Variants in P2RX5 observed in about 807,000 individuals in gnomAD.
The protein encoded by P2RX5 is purinergic receptor P2X 5.
P2RX5 carries 46 observed loss-of-function variants against 54.1 expected under a neutral mutation model. The ratio of observed to expected loss-of-function variants is 0.85; its 90% confidence interval spans 0.67 to 1.09. P2RX5 has a LOEUF of 1.09. P2RX5 is among the 50% of genes least tolerant of loss of function. The probability of loss-of-function intolerance (pLI) is 0.00; values close to 1 mark genes in which losing one functional copy is unlikely to be tolerated. For missense variants in P2RX5, 566 were observed against 549.8 expected (o/e 1.03, Z -0.29); for synonymous variants, 226 against 226.4 (o/e 1.00, Z 0.02).
At chr17:3,697,715 A>T (rs1384865884), upstream of P2RX5, among the ~76,000 whole-genome samples, 2 of 152,166 alleles carry the variant, frequency 1.3e-5, no homozygotes, top group African/African-American at 4.8e-5. Flanking sequence ...TTGCTCTCAA[A>T]CTGTCATTTG....
the P2RX5 span, among the ~76,000 whole-genome samples, chr17:3,704,017 G>A: frequency 6.6e-6 from 1 of 152,110 alleles, no homozygotes; most frequent in Non-Finnish European, 1.5e-5. Flanking sequence ...CAGGAGAATT[G>A]CTTGAACCCA....
intron 2 of P2RX5, 113 bp from the exon 3 acceptor site, chr17:3,691,140 G>A: frequency 1.3e-6 from 1 of 777,512 alleles, no homozygotes; most frequent in Non-Finnish European, 2.2e-6. Context: ...TGGGGATAAT[G>A]GGGCCACAAA....
chr17:3,723,747 G>C, the P2RX5 span: 5 of 1,607,128 alleles, frequency 3.1e-6, no homozygotes, highest in Non-Finnish European at 8.5e-7. Flanking sequence ...GTGGAGGCCT[G>C]AAACGAGAGC....
intron 11 of P2RX5, chr17:3,675,380 C>T: frequency 1.0e-6 from 1 of 985,226 alleles, no homozygotes; most frequent in Non-Finnish European, 1.2e-6. Flanking sequence ...AATAGTATGA[C>T]TATCCTCAGG....
the P2RX5 span, among the ~76,000 whole-genome samples, chr17:3,711,723 CTCGCTCTGTTGCCCAGGCTGGA>C: frequency 1.9e-4 from 29 of 151,912 alleles, no homozygotes; most frequent in South Asian, 6.0e-3. Context: ...GAGACAGGGT[CTCGCTCTGTTGCCCAGGCTGGA>C]GTGCAGTGGC....
chr17:3,673,852 C>T lies in P2RX5; in HGVS notation c.*16G>A, dbSNP rs1063497. 181,514 of 1,612,608 alleles carry T rather than the reference C, an allele frequency of 0.11. 11,384 individuals are homozygous for T. The highest frequency in any genetic ancestry group is 0.22 in the East Asian group (9,679 of 44,866). On this transcript the variant is annotated 3_prime_UTR_variant, in exon 12 of 12. Transcript: ENST00000225328. ...GGCTGGGTTTAGGACAGGGCCTGAA[C>T]GTAAGCAGAGGCAATTCACGTGCTC...
At chr17:3,680,356 T>C (rs374452961) in intron 10 of P2RX5, among the ~76,000 whole-genome samples, 1,327 of 10,966 alleles carry the variant, frequency 0.12, no homozygotes, top group African/African-American at 0.15. Context: ...CTCCACCCAG[T>C]GTCCTCCACC....
At chr17:3,699,946 G>T (rs1385473130), upstream of P2RX5, among the ~76,000 whole-genome samples, 1 of 127,188 alleles carries the variant, frequency 7.9e-6, no homozygotes, top group Non-Finnish European at 1.9e-5. Context: ...AAGAAAGAAA[G>T]AAAGAAAGAA....
upstream of P2RX5, among the ~76,000 whole-genome samples, chr17:3,698,924 G>T (rs2050797223): frequency 6.6e-6 from 1 of 152,008 alleles, no homozygotes; most frequent in Non-Finnish European, 1.5e-5. Context: ...AAAAAAAATA[G>T]GTTGGGCACA....
At chr17:3,699,529 G>A (rs1023314060), upstream of P2RX5, among the ~76,000 whole-genome samples, 13 of 151,902 alleles carry the variant, frequency 8.6e-5, no homozygotes, top group Middle Eastern at 3.4e-3. Context: ...AAATATTGCC[G>A]GATGCAGTGG....
chr17:3,680,188 C>CGTCCTCCACCCAGT (rs2050215223), intron 10 of P2RX5, among the ~76,000 whole-genome samples: 3 of 85,720 alleles, frequency 3.5e-5, no homozygotes, highest in Non-Finnish European at 7.2e-5. Context: ...CTCCACCCTG[C>CGTCCTCCACCCAGT]GTCCTCCACC....
At chr17:3,690,789 T>C (rs1191384483) in intron 3 of P2RX5, 109 bp from the exon 4 acceptor site, 3 of 1,233,170 alleles carry the variant, frequency 2.4e-6, no homozygotes, top group African/African-American at 3.0e-5. Flanking sequence ...CCACACACAC[T>C]CTGAGAACCT....
intron 9 of P2RX5, among the ~76,000 whole-genome samples, chr17:3,683,729 CAAAAAA>C (rs59622313): frequency 5.1e-5 from 3 of 58,590 alleles, no homozygotes; most frequent in Non-Finnish European, 8.1e-5. Flanking sequence ...GACTCCGTCT[CAAAAAA>C]AAAAAAAAAA....
upstream of P2RX5, among the ~76,000 whole-genome samples, chr17:3,697,557 T>C (rs1231351697): frequency 6.6e-6 from 1 of 152,128 alleles, no homozygotes; most frequent in Non-Finnish European, 1.5e-5. Context: ...CTGAAATTCA[T>C]CAGTGTGATT....
At chr17:3,715,943 T>C in the P2RX5 span, among the ~76,000 whole-genome samples, 1 of 151,612 alleles carries the variant, frequency 6.6e-6, no homozygotes, top group African/African-American at 2.4e-5. Context: ...GATCACAAGG[T>C]CAGGAGTTTG....
intron 1 of P2RX5, among the ~76,000 whole-genome samples, chr17:3,694,514 C>T (rs2050704374): frequency 6.6e-6 from 1 of 152,122 alleles, no homozygotes; most frequent in African/African-American, 2.4e-5. Context: ...CCGCCAATTT[C>T]CTAATTTTCA....
At chr17:3,688,407 G>C (rs748274283) in intron 8 of P2RX5, among the ~76,000 whole-genome samples, 1 of 152,206 alleles carries the variant, frequency 6.6e-6, no homozygotes, top group Non-Finnish European at 1.5e-5. Flanking sequence ...GCTTCACGGA[G>C]AGAAACAGGC....
chr17:3,697,809 A>G (rs570263764), upstream of P2RX5, among the ~76,000 whole-genome samples: 247 of 152,238 alleles, frequency 1.6e-3, 2 homozygotes, highest in African/African-American at 5.7e-3. Context: ...TTGCCCACCC[A>G]AAGTAGCCCC....
At position 3,694,231 on chromosome 17, in the gene P2RX5, A is replaced by G. The variant is rs1437360800; in HGVS notation, c.137+1638T>C. On this transcript the variant is annotated intron_variant, in intron 1 of 11. Coordinates refer to ENST00000225328, the MANE Select transcript of P2RX5 (RefSeq NM_002561.4). Reference sequence around the variant, plus strand: ...CATGACACCAAGTGAAAGAAGCCAGAAAAAAAAAAAAAAAGGCCGCATACT... The same window carrying G: ...CATGACACCAAGTGAAAGAAGCCAGGAAAAAAAAAAAAAAGGCCGCATACT... 1.3e-4 allele frequency among the ~76,000 whole-genome samples: 3 copies of G among 23,698 alleles called. No homozygotes were observed. In the Admixed American group the frequency reaches 2.4e-3, roughly 19 times the overall value. 15.5% of individuals were successfully genotyped at this position (23,698 alleles called of 152,430 possible). A position where few individuals can be genotyped will look rare whatever the true frequency, so the allele number is the denominator to read the frequency against.
Sources: allele counts gnomAD v4.1 joint callset (sites outside exome capture counted in the v4.1 genomes callset), GRCh38; gene constraint gnomAD v4.1.1; transcripts MANE v1.5; gene names NCBI Gene and HGNC (gene_info 2026-07-23, HGNC 2026-07-21).